IFI35: variants seen among roughly 807,000 people sequenced by gnomAD.
IFI35 encodes the protein interferon induced protein 35.
IFI35 carries 30 observed loss-of-function variants against 28.6 expected under a neutral mutation model. The observed-to-expected ratio is 1.05, with a 90% CI of 0.79 to 1.43. The LOEUF (loss-of-function observed/expected upper bound fraction) is 1.43. Ranked by LOEUF, IFI35 falls within the 40% of genes most tolerant of loss-of-function variation. IFI35 has a pLI of 0.00. For synonymous variants in IFI35, 146 were observed against 154.8 expected, an observed-to-expected ratio of 0.94 and a Z score of 0.42; for missense variants, 372 against 356.9, an observed-to-expected ratio of 1.04 and a Z score of -0.34.
In IFI35 at chr17:43,013,759, CT is replaced by C. The variant is rs1168897323; in HGVS notation, c.563-16del. On this transcript the variant is annotated splice_polypyrimidine_tract_variant and intron_variant, in intron 5 of 6. Transcript: ENST00000415816. ...AGGGCTTGATGCTAAAGGCCCACCC[CT>C]CCTTGCTCCCCACAGTGGCTCAGCG... is the stretch of plus-strand genomic sequence containing the variant. 3.5e-5 allele frequency: 57 copies of C among 1,612,602 alleles called. No individual in the cohort carries two copies. The highest frequency in any genetic ancestry group is 4.2e-5 in the Non-Finnish European group (49 of 1,178,998).
intron 2 of IFI35, 35 bp from the exon 3 acceptor site, chr17:43,013,012 T>C: frequency 6.2e-7 from 1 of 1,600,292 alleles, no homozygotes; most frequent in Non-Finnish European, 8.5e-7. Flanking sequence ...TAGGTGGGAG[T>C]GAGGAACACT....
In IFI35 at chr17:43,014,331, C is replaced by T. The variant is rs375807746; in HGVS notation, c.*32C>T. 44 of 1,474,292 alleles carry T rather than the reference C, an allele frequency of 3.0e-5. No individual in the cohort carries two copies. The Middle Eastern group carries it at 1.3e-3, about 42-fold the overall frequency. The allele number at this position is 1,474,292 out of a possible 1,614,324, so 91.3% of individuals were successfully genotyped here. On this transcript the variant is annotated 3_prime_UTR_variant, in exon 7 of 7. Coordinates refer to ENST00000415816, the MANE Select transcript of IFI35 (RefSeq NM_001330230.2). ...CCCCTTCTCATCCTCCCCACCCCCC[C>T]GCCAAGGTTCTCACACTGGCCTGGG...
intron 1 of IFI35, among the ~76,000 whole-genome samples, chr17:43,009,668 G>T (rs2050439795): frequency 6.6e-6 from 1 of 150,822 alleles, no homozygotes; most frequent in Admixed American, 6.6e-5. Context: ...CAGGAGAATC[G>T]CTTGAACCCG....
Position 43,014,254 on chromosome 17 carries a change from C to A in IFI35, c.816C>A (p.Pro272=), listed in dbSNP as rs143878487. The A allele has an allele frequency of 1.1e-5, 18 of 1,604,374 alleles. No individual in the cohort carries two copies. The highest frequency in any genetic ancestry group is 1.1e-4 in the East Asian group (5 of 44,840). Residue 272 remains proline, a synonymous_variant, in exon 7 of 7, where the codon CCC becomes CCA. Coordinates refer to ENST00000415816, the MANE Select transcript of IFI35 (RefSeq NM_001330230.2). ...AGGTAGAGGCCCTGACAGTCGTACC[C>A]CAAGGACAGCAGGGCCTAGCAGTCT... ...GGEVEALTVV[P]QGQQGLAVFT... is the part of the protein sequence containing the mutation.
chr17:43,013,065 A>G lies in IFI35; in HGVS notation c.139A>G (p.Lys47Glu). 1 of 1,614,080 alleles carries G rather than the reference A, an allele frequency of 6.2e-7. No individual in the cohort carries two copies. The highest frequency in any genetic ancestry group is 8.5e-7 in the Non-Finnish European group (1 of 1,180,018). ...PKDKVPFSVP[K>E]IPLVFRGHTQ... ...CTTCCAGGTCCCATTTTCAGTGCCC[A>G]AGATCCCCCTGGTATTCCGAGGACA... Residue 47 changes from lysine to glutamate, a missense_variant, in exon 3 of 7, where the codon AAG (lysine) becomes GAG (glutamate). Lys to Glu is a moderately conservative substitution (Grantham distance 56). Transcript: ENST00000415816.
chr17:43,014,075 T>C (rs934100783), intron 6 of IFI35, 33 bp from the exon 7 acceptor site: 4 of 1,602,532 alleles, frequency 2.5e-6, no homozygotes, highest in East Asian at 2.2e-5. Flanking sequence ...CCTTCTCCCA[T>C]GAGCCTTTGC....
rs1323376300 is a variant in IFI35 at position 43,012,166 on chromosome 17, TC to T, written c.22-12del. ...GCGGGTAGAAGTCTTGTTGTTTCCT[TC>T]TGCCCCAACAGGCCCTCCACGCCCT... On this transcript the variant is annotated splice_polypyrimidine_tract_variant and intron_variant, in intron 1 of 6. Transcript: ENST00000415816. 5 of 1,542,930 alleles carry T rather than the reference TC, an allele frequency of 3.2e-6. No individual in the cohort carries two copies. The highest frequency in any genetic ancestry group is 4.4e-6 in the Non-Finnish European group (5 of 1,140,342).
chr17:43,012,987 G>C, intron 2 of IFI35, 60 bp from the exon 3 acceptor site: 1 of 1,531,664 alleles, frequency 6.5e-7, no homozygotes, highest in African/African-American at 1.4e-5. Flanking sequence ...AATGGAATCG[G>C]AGATGCCTTC....
chr17:43,006,890 A>G lies in IFI35; in HGVS notation c.-58A>G, dbSNP rs940264659. On this transcript the variant is annotated 5_prime_UTR_variant, in exon 1 of 7. Coordinates refer to ENST00000415816, the MANE Select transcript of IFI35 (RefSeq NM_001330230.2). Reference sequence around the variant, plus strand: ...ACAAACAAGAGTTCAGTTGCTGTGAATTCTGCCACTGTGCCCAGCTCTGAA... The same window carrying G: ...ACAAACAAGAGTTCAGTTGCTGTGAGTTCTGCCACTGTGCCCAGCTCTGAA... The G allele has an allele frequency of 6.2e-7, 1 of 1,603,816 alleles. No homozygotes were observed. Among genetic ancestry groups the G allele is most frequent in the Non-Finnish European group, 8.5e-7 (1 of 1,170,756 alleles).
intron 6 of IFI35, 51 bp from the exon 7 acceptor site, chr17:43,014,056 GC>G: frequency 1.3e-6 from 2 of 1,561,432 alleles, no homozygotes; most frequent in Non-Finnish European, 1.8e-6. Context: ...CCTACCCCCA[GC>G]CCCCAGCCCT....
Position 43,014,308 on chromosome 17 carries a change from C to A in IFI35, c.*9C>A. 6.6e-7 allele frequency: 1 copy of A among 1,520,812 alleles called. No homozygotes were observed. The highest frequency in any genetic ancestry group is 1.3e-5 in the South Asian group (1 of 76,276). The allele number at this position is 1,520,812 out of a possible 1,614,324, so 94.2% of individuals were successfully genotyped here. On this transcript the variant is annotated 3_prime_UTR_variant, in exon 7 of 7. Coordinates refer to ENST00000415816, the MANE Select transcript of IFI35 (RefSeq NM_001330230.2). ...CCTCTGAGTCAGGCTAGGGGCCTCC[C>A]CTTCTCATCCTCCCCACCCCCCCGC... is the stretch of plus-strand genomic sequence containing the variant.
chr17:43,013,750 G>A, intron 5 of IFI35, 26 bp from the exon 6 acceptor site: 1 of 1,610,390 alleles, frequency 6.2e-7, no homozygotes. Context: ...TGATGCTAAA[G>A]GCCCACCCCT....
chr17:43,009,676 C>T (rs962842358), intron 1 of IFI35, among the ~76,000 whole-genome samples: 3 of 151,574 alleles, frequency 2.0e-5, no homozygotes, highest in African/African-American at 2.4e-5. Context: ...TCGCTTGAAC[C>T]CGGGAGTCAG....
intron 1 of IFI35, among the ~76,000 whole-genome samples, chr17:43,011,885 C>A (rs146942666): frequency 1.7e-4 from 26 of 152,296 alleles, no homozygotes; most frequent in South Asian, 8.3e-4. Context: ...CAGTGCCGAG[C>A]ACTTTCTAGC....
At position 43,013,367 on chromosome 17, in the gene IFI35, C is replaced by G; in HGVS notation, c.369C>G (p.Thr123=). The change falls in exon 4 of 7, where the codon ACC becomes ACG. Residue 123 remains threonine, a synonymous_variant. Transcript: ENST00000415816. The part of the protein sequence containing the change: ...VQPLELPMVT[T]IQMSSQLSGR... ...CCTTGGAGCTGCCCATGGTCACCAC[C>G]ATCCAGGTGATGGTATGACAGAATC... 1 of 1,614,032 alleles carries G rather than the reference C, an allele frequency of 6.2e-7. No homozygotes were observed. Among genetic ancestry groups the G allele is most frequent in the Non-Finnish European group, 8.5e-7 (1 of 1,179,958 alleles).
chr17:43,012,034 A>G, intron 1 of IFI35, 145 bp from the exon 2 acceptor site: 2 of 546,034 alleles, frequency 3.7e-6, no homozygotes, highest in South Asian at 5.3e-5. Flanking sequence ...AGACCAGCCC[A>G]GGGCAGCACA....
At position 43,014,456 on chromosome 17, in the gene IFI35, A is replaced by C. The variant is rs1273393371; in HGVS notation, c.*157A>C. ...GAACAGTAAAAAGAGCCTGCATGCC[A>C]TGATGTTCTTCCTCATTTCACTCAT... On this transcript the variant is annotated 3_prime_UTR_variant, in exon 7 of 7. Transcript: ENST00000415816. 2.2e-6 allele frequency: 1 copy of C among 452,906 alleles called. No homozygotes were observed. The highest frequency in any genetic ancestry group is 3.8e-6 in the Non-Finnish European group (1 of 260,100). The allele number at this position is 452,906 out of a possible 1,614,324, so 28.1% of individuals were successfully genotyped here. A position where few individuals can be genotyped will look rare whatever the true frequency, so the allele number is the denominator to read the frequency against.
intron 2 of IFI35, chr17:43,012,618 A>G (rs1292094572): frequency 8.4e-6 from 2 of 236,820 alleles, no homozygotes; most frequent in Non-Finnish European, 1.7e-5. Flanking sequence ...CATGCCTGTA[A>G]TCCCAGCTAC....
chr17:43,012,812 C>T, intron 2 of IFI35: 1 of 537,892 alleles, frequency 1.9e-6, no homozygotes, highest in Non-Finnish European at 3.3e-6. Flanking sequence ...GTGTGACCTC[C>T]ATTATGTTAC....
Sources: gnomAD v4.1 joint callset for allele counts (sites outside exome capture counted in the v4.1 genomes callset) on GRCh38, gnomAD v4.1.1 for gene constraint, MANE v1.5 for transcripts, NCBI Gene and HGNC (gene_info 2026-07-23, HGNC 2026-07-21) for gene names.